SYNE1: variants seen among roughly 807,000 people sequenced by gnomAD.
SYNE1 encodes the protein nesprin-1.
SYNE1 carries 616 observed loss-of-function variants against 1,111.0 expected under a neutral mutation model. That is an observed-to-expected ratio of 0.55 (90% confidence interval 0.52 to 0.59). SYNE1 has a LOEUF of 0.59. Among genes scored for constraint, SYNE1 ranks in the 20% least tolerant of loss-of-function variants. The pLI, the probability that SYNE1 is intolerant of heterozygous loss-of-function variation, is 0.00. For missense variants in SYNE1, 10,006 were observed against 10,417.0 expected (o/e 0.96, Z 1.72); for synonymous variants, 3,855 against 3,825.8 (o/e 1.01, Z -0.28).
At position 152,180,268 on chromosome 6, in the gene SYNE1, A is replaced by C; in HGVS notation, c.23328T>G (p.Gly7776=). ...AGACTGCCCATTCATTCAATCTTTCACCTATTTGCTGCCGCCTTAAGGAGA... is the reference window on the plus strand; with the variant it reads ...AGACTGCCCATTCATTCAATCTTTCCCCTATTTGCTGCCGCCTTAAGGAGA... The part of the protein sequence containing the change: ...HQLSLRRQQI[G]ERLNEWAVFS... Residue 7776 remains glycine, a synonymous_variant, in exon 129 of 146, where the codon GGT becomes GGG. Coordinates refer to ENST00000367255, the MANE Select transcript of SYNE1 (RefSeq NM_182961.4). 6.2e-7 allele frequency: 1 copy of C among 1,614,064 alleles called. No individual in the cohort carries two copies. The highest frequency in any genetic ancestry group is 8.5e-7 in the Non-Finnish European group (1 of 1,179,996).
intron 61 of SYNE1, chr6:152,368,685 T>C (rs1398042865): frequency 2.7e-6 from 1 of 376,204 alleles, no homozygotes; most frequent in East Asian, 5.4e-5. Flanking sequence ...GGGAAACATA[T>C]CATTTCAGTA....
intron 31 of SYNE1, among the ~76,000 whole-genome samples, 161 bp from the exon 32 acceptor site, chr6:152,441,431 C>T (rs1264486101): frequency 1.3e-5 from 2 of 152,138 alleles, no homozygotes; most frequent in Non-Finnish European, 2.9e-5. Flanking sequence ...GTAAGAATTT[C>T]TTTTCTCTAT....
chr6:152,268,320 T>A, intron 99 of SYNE1, 155 bp from the exon 100 acceptor site: 1 of 674,190 alleles, frequency 1.5e-6, no homozygotes, highest in Non-Finnish European at 2.7e-6. Flanking sequence ...AATATTCAAA[T>A]GTGTCTCCAA....
At chr6:152,290,209 G>C (rs971284274) in intron 95 of SYNE1, among the ~76,000 whole-genome samples, 41 of 152,248 alleles carry the variant, frequency 2.7e-4, no homozygotes, top group African/African-American at 9.6e-4. Flanking sequence ...GGGCTTAACA[G>C]TCAGTACAAC....
In SYNE1 at chr6:152,369,466, A is replaced by G; in HGVS notation, c.9651+5T>C. On this transcript the variant is annotated splice_donor_5th_base_variant and intron_variant, in intron 60 of 145. Transcript: ENST00000367255. ...GATGGGGCTACGGGGAGGCGGGCTC[A>G]TCACCTGGAGCTTCTGCTGCTCCCT... 6.2e-7 allele frequency: 1 copy of G among 1,614,172 alleles called. No individual in the cohort carries two copies. Among genetic ancestry groups the G allele is most frequent in the Non-Finnish European group, 8.5e-7 (1 of 1,180,026 alleles).
chr6:152,505,199 A>T lies in SYNE1; in HGVS notation c.778+2T>A. ...ATAACAGTCAATGAATATTCAGCCT[A>T]CCTTCAGGATCTAGCAGTCTTGGGA... On this transcript the variant is annotated splice_donor_variant, in intron 9 of 145. Coordinates refer to ENST00000367255, the MANE Select transcript of SYNE1 (RefSeq NM_182961.4). LOFTEE classifies it high-confidence loss of function. 6.2e-7 allele frequency: 1 copy of T among 1,613,968 alleles called. No individual in the cohort carries two copies. Among genetic ancestry groups the T allele is most frequent in the East Asian group, 2.2e-5 (1 of 44,866 alleles).
chr6:152,598,364 G>A (rs2099587820), intron 3 of SYNE1, among the ~76,000 whole-genome samples: 2 of 152,140 alleles, frequency 1.3e-5, no homozygotes, highest in African/African-American at 2.4e-5. Flanking sequence ...CCCCAGCCAC[G>A]TGGAACTGTG....
At chr6:152,389,866 G>A (rs1243469659) in intron 53 of SYNE1, among the ~76,000 whole-genome samples, 2 of 152,154 alleles carry the variant, frequency 1.3e-5, no homozygotes, top group African/African-American at 2.4e-5. Flanking sequence ...AATGGGCGTA[G>A]TATGACTTCT....
chr6:152,369,217 T>C, intron 60 of SYNE1, 90 bp from the exon 61 acceptor site: 1 of 1,534,488 alleles, frequency 6.5e-7, no homozygotes, highest in Non-Finnish European at 8.8e-7. Flanking sequence ...AAATCAACAC[T>C]GGCAGGCAGT....
rs1011489084 is a variant in SYNE1, at chr6:152,472,483, C to G, written c.1351-70G>C. ...CACAGAGGGCTAAGAAGCATAATTT[C>G]CAGCCCGCACCGATGAGTCAATGTA... On this transcript the variant is annotated intron_variant, in intron 14 of 145. Coordinates refer to ENST00000367255, the MANE Select transcript of SYNE1 (RefSeq NM_182961.4). 7 of 1,364,968 alleles carry G rather than the reference C, an allele frequency of 5.1e-6. No individual in the cohort carries two copies. In the Middle Eastern group the frequency reaches 5.4e-4, roughly 105 times the overall value. The allele number at this position is 1,364,968 out of a possible 1,614,324, so 84.6% of individuals were successfully genotyped here. A position where few individuals can be genotyped will look rare whatever the true frequency, so the allele number is the denominator to read the frequency against.
chr6:152,267,005 C>A (rs771872147), intron 100 of SYNE1, among the ~76,000 whole-genome samples: 1 of 152,146 alleles, frequency 6.6e-6, no homozygotes, highest in Non-Finnish European at 1.5e-5. Flanking sequence ...CTTTATATCA[C>A]ATTTTTACTT....
At position 152,465,276 on chromosome 6, in the gene SYNE1, T is replaced by C; in HGVS notation, c.1914A>G (p.Gln638=). 1.9e-6 allele frequency: 3 copies of C among 1,613,712 alleles called. No homozygotes were observed. The highest frequency in any genetic ancestry group is 2.2e-5 in the East Asian group (1 of 44,858). ...ATCTTACCTTTTTGGCATTTTCTGA[T>C]TGATTGAGCATTTTTTCAGCATCCT... The part of the protein sequence containing the change: ...WLEDAEKMLN[Q]SENAKKDFFR... The change falls in exon 18 of 146, where the codon CAA becomes CAG. Residue 638 remains glutamine, a synonymous_variant. Transcript: ENST00000367255.
At chr6:152,306,325 A>C (rs1385872809) in intron 91 of SYNE1, among the ~76,000 whole-genome samples, 1 of 151,946 alleles carries the variant, frequency 6.6e-6, no homozygotes, top group African/African-American at 2.4e-5. Context: ...GTCTCTACTA[A>C]AAATACAAAA....
At chr6:152,390,895 C>A (rs1405700300) in intron 52 of SYNE1, among the ~76,000 whole-genome samples, 1 of 152,146 alleles carries the variant, frequency 6.6e-6, no homozygotes, top group African/African-American at 2.4e-5. Flanking sequence ...ATCATGGCCC[C>A]TACACACGGA....
At chr6:152,383,884 C>G (rs1174722006) in intron 55 of SYNE1, among the ~76,000 whole-genome samples, 1 of 152,198 alleles carries the variant, frequency 6.6e-6, no homozygotes, top group Non-Finnish European at 1.5e-5. Context: ...GTCTTCACCT[C>G]TATCACCAGG....
chr6:152,498,184 T>C (rs1287806891), intron 11 of SYNE1, among the ~76,000 whole-genome samples: 2 of 152,198 alleles, frequency 1.3e-5, no homozygotes, highest in Non-Finnish European at 2.9e-5. Context: ...ATATGGGACA[T>C]GCATTCAATA....
intron 6 of SYNE1, chr6:152,511,564 T>C (rs2099085095): frequency 2.5e-6 from 4 of 1,612,626 alleles, no homozygotes; most frequent in South Asian, 1.1e-5. Flanking sequence ...CTAAAATTTG[T>C]ACTAACCGGT....
In SYNE1 at chr6:152,323,698, T is replaced by C; in HGVS notation, c.15697A>G (p.Lys5233Glu). The C allele has an allele frequency of 6.2e-7, 1 of 1,614,236 alleles. No homozygotes were observed. Among genetic ancestry groups the C allele is most frequent in the Non-Finnish European group, 8.5e-7 (1 of 1,180,040 alleles). The stretch of plus-strand genomic sequence containing the variant: ...TTCTCTGCTGAACTTCCAGGTAACT[T>C]ATCTTGCAGCTGATCAATCATTTCA... Reference protein sequence around the residue: ...ATEMIDQLQDKLPGSSAEKAS... With the variant: ...ATEMIDQLQDELPGSSAEKAS... Residue 5233 changes from lysine to glutamate, a missense_variant, in exon 82 of 146, where the codon AAG becomes GAG. Physicochemically the swap from Lys to Glu is moderately conservative, Grantham distance 56. Coordinates refer to ENST00000367255, the MANE Select transcript of SYNE1 (RefSeq NM_182961.4).
At chr6:152,170,535 G>A (rs1451941637) in intron 130 of SYNE1, among the ~76,000 whole-genome samples, 3 of 152,136 alleles carry the variant, frequency 2.0e-5, no homozygotes, top group East Asian at 1.9e-4. Flanking sequence ...TGTGCTCATC[G>A]CATCAATGCA....
Sources: allele counts gnomAD v4.1 joint callset (sites outside exome capture counted in the v4.1 genomes callset), GRCh38; gene constraint gnomAD v4.1.1; transcripts MANE v1.5; gene names NCBI Gene and HGNC (gene_info 2026-07-23, HGNC 2026-07-21).